Variants in KMT5A observed in about 807,000 individuals in gnomAD.
KMT5A encodes the protein lysine methyltransferase 5A, also known as N-lysine methyltransferase KMT5A.
In KMT5A, 6 loss-of-function variants were observed where a neutral mutation model predicts 40.6. The observed-to-expected ratio is 0.15, with a 90% CI of 0.08 to 0.29. KMT5A has a LOEUF of 0.29. Ranked by LOEUF, KMT5A falls within the 10% of genes least tolerant of loss-of-function variation. KMT5A has a pLI of 1.00. For missense variants in KMT5A, 308 were observed against 459.1 expected (o/e 0.67, Z 3.01); for synonymous variants, 153 against 178.8 (o/e 0.86, Z 1.15).
At chr12:123,401,108 G>GT (rs957646543) in intron 5 of KMT5A, among the ~76,000 whole-genome samples, 5 of 102,834 alleles carry the variant, frequency 4.9e-5, no homozygotes, top group Admixed American at 4.6e-4. Flanking sequence ...TTTTGTTGTT[G>GT]TTTTTTTTAA....
chr12:123,405,394 C>T (rs1878459484), intron 7 of KMT5A, among the ~76,000 whole-genome samples: 1 of 151,754 alleles, frequency 6.6e-6, no homozygotes, highest in Non-Finnish European at 1.5e-5. Context: ...TGGTCTTGAA[C>T]TCCTGACCTC....
In KMT5A at chr12:123,395,038, C is replaced by T. The variant is rs1312237234; in HGVS notation, c.290-9C>T. The stretch of plus-strand genomic sequence containing the variant: ...AATAAACCCGTCTTTCCCCCACCTC[C>T]GCCTGCAGAGAAAAGAAATGCTGGG... On this transcript the variant is annotated splice_polypyrimidine_tract_variant and intron_variant, in intron 3 of 7. Coordinates refer to ENST00000402868, the MANE Select transcript of KMT5A (RefSeq NM_020382.7). The T allele has an allele frequency of 7.7e-6, 12 of 1,555,898 alleles. No individual in the cohort carries two copies. The highest frequency in any genetic ancestry group is 4.7e-5 in the South Asian group (4 of 84,484).
rs1876781199 is a variant in KMT5A, at chr12:123,384,870, GGCGATGCCCTGTCTGAA to G, written c.10+664_10+680del. Among the ~76,000 whole-genome samples, 1 of 152,204 alleles carries G rather than the reference GGCGATGCCCTGTCTGAA, an allele frequency of 6.6e-6. No individual in the cohort carries two copies. Among genetic ancestry groups the G allele is most frequent in the Non-Finnish European group, 1.5e-5 (1 of 68,018 alleles). ...TGGGTGGGCTTGTACAGCCCTGGGA[GGCGATGCCCTGTCTGAA>G]GTCCTCTGCATACTTAGTTGGCTGT... On this transcript the variant is annotated intron_variant, in intron 1 of 7. Coordinates refer to ENST00000402868, the MANE Select transcript of KMT5A (RefSeq NM_020382.7). The surrounding 1 kb of genome is among the most constrained non-coding windows in gnomAD (Gnocchi z 5.7).
At chr12:123,402,907 C>T (rs924864692) in intron 5 of KMT5A, among the ~76,000 whole-genome samples, 7 of 152,176 alleles carry the variant, frequency 4.6e-5, no homozygotes, top group Non-Finnish European at 8.8e-5. Flanking sequence ...CTGCTGTACC[C>T]GATTTTCTTT....
Position 123,384,225 on chromosome 12 carries a change from C to G in KMT5A, c.10+17C>G, listed in dbSNP as rs1157630894. The G allele has an allele frequency of 2.5e-6, 4 of 1,612,998 alleles. No homozygotes were observed. The highest frequency in any genetic ancestry group is 3.4e-6 in the Non-Finnish European group (4 of 1,179,648). On this transcript the variant is annotated intron_variant, in intron 1 of 7. Coordinates refer to ENST00000402868, the MANE Select transcript of KMT5A (RefSeq NM_020382.7). The surrounding 1 kb of genome is among the most constrained non-coding windows in gnomAD (Gnocchi z 5.7). ...TGGCTAGAGGTATTTGCCCAAGTGG[C>G]CGGCACCGGAGCGGCTGGGTCGGGG...
rs542325783 is a variant in KMT5A, at chr12:123,403,463, G to A, written c.598-110G>A. The stretch of plus-strand genomic sequence containing the variant: ...ATCCCCAGTGATGCCAAATGAGGCC[G>A]ATTGTGGCCCGGTGGGCATGGCCTG... On this transcript the variant is annotated intron_variant, in intron 5 of 7. Coordinates refer to ENST00000402868, the MANE Select transcript of KMT5A (RefSeq NM_020382.7). 19 of 1,177,406 alleles carry A rather than the reference G, an allele frequency of 1.6e-5. No individual in the cohort carries two copies. The South Asian group carries it at 1.7e-4, about 11-fold the overall frequency. 72.9% of individuals were successfully genotyped at this position (1,177,406 alleles called of 1,614,324 possible).
At chr12:123,394,346 G>A (rs1249713255) in intron 3 of KMT5A, among the ~76,000 whole-genome samples, 4 of 152,052 alleles carry the variant, frequency 2.6e-5, no homozygotes, top group East Asian at 1.9e-4. Flanking sequence ...CAGGTGATCC[G>A]CCAGCCTCGG....
intron 1 of KMT5A, chr12:123,388,897 G>C (rs1387752767): frequency 6.8e-6 from 1 of 147,252 alleles, no homozygotes; most frequent in East Asian, 2.0e-4. Flanking sequence ...CGGCCTGGCG[G>C]CGCCGCCCCT....
chr12:123,407,350 G>C, intron 7 of KMT5A, 143 bp from the exon 8 acceptor site: 2 of 882,438 alleles, frequency 2.3e-6, no homozygotes, highest in East Asian at 2.7e-5. Context: ...AAAGGAAAAA[G>C]AAAATAGCTT....
chr12:123,395,248 A>G lies in KMT5A; in HGVS notation c.491A>G (p.Lys164Arg), dbSNP rs1877621418. 6.2e-7 allele frequency: 1 copy of G among 1,613,362 alleles called. No homozygotes were observed. Among genetic ancestry groups the G allele is most frequent in the East Asian group, 2.2e-5 (1 of 44,882 alleles). The change falls in exon 4 of 8, where the codon AAA (lysine) becomes AGA (arginine). Residue 164 changes from lysine to arginine, a missense_variant. Physicochemically the swap from Lys to Arg is conservative, Grantham distance 26 (BLOSUM62 2). Around this residue, in one of 4 missense-constraint regions of KMT5A, gnomAD observed 127 missense variants for 129.8 expected, o/e 0.98. Transcript: ENST00000402868. Reference protein sequence around the residue: ...KQALKKPIKGKQAPRKKAQGK... With the variant: ...KQALKKPIKGRQAPRKKAQGK... ...GCCCTGAAAAAGCCCATCAAGGGCA[A>G]ACAGGCCCCCCGAAAAAAGTAAGTG...
At chr12:123,400,122 G>A (rs369459419) in intron 5 of KMT5A, among the ~76,000 whole-genome samples, 10 of 134,298 alleles carry the variant, frequency 7.4e-5, no homozygotes, top group African/African-American at 1.7e-4. Flanking sequence ...GAGCCCGGCC[G>A]TGAGACCCCA....
At chr12:123,397,740 C>T (rs889729113) in intron 5 of KMT5A, among the ~76,000 whole-genome samples, 6 of 148,190 alleles carry the variant, frequency 4.0e-5, no homozygotes, top group African/African-American at 1.5e-4. Context: ...GATCTCGACT[C>T]ACCGCAACCT....
chr12:123,399,779 A>G (rs1333314473), intron 5 of KMT5A, among the ~76,000 whole-genome samples: 8 of 152,192 alleles, frequency 5.3e-5, no homozygotes, highest in Admixed American at 5.2e-4. Flanking sequence ...GAAGTTCAGT[A>G]CCAACCTGGG....
chr12:123,403,754 A>G, intron 6 of KMT5A, 122 bp downstream of exon 6: 1 of 1,042,246 alleles, frequency 9.6e-7, no homozygotes, highest in East Asian at 2.4e-5. Flanking sequence ...GTGACCAGGC[A>G]GACTCTATTA....
At chr12:123,388,929 G>A (rs1471348549) in intron 1 of KMT5A, 4 of 145,034 alleles carry the variant, frequency 2.8e-5, no homozygotes, top group African/African-American at 9.9e-5. Context: ...CCCCGGGCCG[G>A]GCGCCGGACG....
At chr12:123,397,124 C>G (rs1291212699) in intron 5 of KMT5A, among the ~76,000 whole-genome samples, 1 of 152,274 alleles carries the variant, frequency 6.6e-6, no homozygotes, top group African/African-American at 2.4e-5. Context: ...GCCTGCAGAC[C>G]AGTGAGCAGC....
At chr12:123,386,119 T>C (rs1418822374) in intron 1 of KMT5A, among the ~76,000 whole-genome samples, 1 of 152,120 alleles carries the variant, frequency 6.6e-6, no homozygotes, top group Non-Finnish European at 1.5e-5. Context: ...TTATTGATTC[T>C]CACTGTCTCA....
intron 1 of KMT5A, chr12:123,389,028 CT>C (rs1013980573): frequency 3.5e-5 from 5 of 142,310 alleles, no homozygotes; most frequent in African/African-American, 1.3e-4. Context: ...CGGCCCGGGG[CT>C]GCCGCGGTGC....
intron 3 of KMT5A, among the ~76,000 whole-genome samples, chr12:123,393,271 A>G (rs549830238): frequency 1.3e-5 from 2 of 152,274 alleles, no homozygotes; most frequent in Admixed American, 1.3e-4. Flanking sequence ...GGTTTTTAGT[A>G]TATTCACAGG....
Sources: allele counts gnomAD v4.1 joint callset (sites outside exome capture counted in the v4.1 genomes callset), GRCh38; gene constraint gnomAD v4.1.1; regional missense constraint gnomAD v4.1.1; non-coding constraint Gnocchi (gnomAD v3.1); transcripts MANE v1.5; gene names NCBI Gene and HGNC (gene_info 2026-07-23, HGNC 2026-07-21).